The following MRE11 variants were observed in gnomAD, a reference collection of about 807,000 sequenced individuals.
MRE11 encodes MRE11 double strand break repair nuclease.
A neutral mutation model predicts 91.7 loss-of-function variants in MRE11; 62 were observed. The ratio of observed to expected loss-of-function variants is 0.68; its 90% CI spans 0.55 to 0.84. MRE11 has a LOEUF of 0.84. Among genes scored for constraint, MRE11 ranks in the 40% least tolerant of loss-of-function variants. The pLI, the probability that MRE11 is intolerant of heterozygous loss-of-function variation, is 0.00. For missense variants in MRE11, 796 were observed against 852.9 expected, an observed-to-expected ratio of 0.93 and a Z score of 0.83; for synonymous variants, 273 against 271.4, an observed-to-expected ratio of 1.01 and a Z score of -0.06.
At position 94,477,318 on chromosome 11, in the gene MRE11, C is replaced by T. The variant is rs114544418; in HGVS notation, c.545-915G>A. Among the ~76,000 whole-genome samples the T allele has an allele frequency of 6.0e-3, 906 of 152,116 alleles. 5 individuals are homozygous for T. Among genetic ancestry groups the T allele is most frequent in the African/African-American group, 0.02 (819 of 41,486 alleles). ...TTAATATATTGTGCTTTTTAAATAA[C>T]TCAATGACTTTCAAACAATTCTCAT... On this transcript the variant is annotated intron_variant, in intron 6 of 19. Coordinates refer to ENST00000323929, the MANE Select transcript of MRE11 (RefSeq NM_005591.4).
chr11:94,444,400 CG>C lies in MRE11; in HGVS notation c.1867+1409del, dbSNP rs1945870740. On this transcript the variant is annotated intron_variant, in intron 16 of 19. Transcript: ENST00000323929. Reference sequence around the variant, plus strand: ...TTTGTTATTGTTTTTGTTCTGTTTTCGTTCTGTTTTCTTTTGTTTTAGGCTT... The same window carrying C: ...TTTGTTATTGTTTTTGTTCTGTTTTCTTCTGTTTTCTTTTGTTTTAGGCTT... Among the ~76,000 whole-genome samples the C allele has an allele frequency of 9.6e-5, 4 of 41,862 alleles. No individual in the cohort carries two copies. The East Asian group carries it at 2.2e-3, about 23-fold the overall frequency. 27.5% of individuals were successfully genotyped at this position (41,862 alleles called of 152,430 possible).
chr11:94,440,555 T>G (rs1945751284), intron 16 of MRE11, among the ~76,000 whole-genome samples: 1 of 152,172 alleles, frequency 6.6e-6, no homozygotes, highest in African/African-American at 2.4e-5. Flanking sequence ...GAGTTCACTT[T>G]TCAATTGGGA....
At chr11:94,441,701 G>T (rs1276034983) in intron 16 of MRE11, among the ~76,000 whole-genome samples, 13 of 152,136 alleles carry the variant, frequency 8.5e-5, no homozygotes, top group Admixed American at 7.2e-4. Context: ...AATAGGCTGG[G>T]CAAGGTGGCT....
chr11:94,482,561 A>G (rs1182873128), intron 4 of MRE11, among the ~76,000 whole-genome samples: 2 of 152,240 alleles, frequency 1.3e-5, no homozygotes, highest in Non-Finnish European at 2.9e-5. Context: ...ATAGGTAAAC[A>G]TGTATATAGG....
rs373002609 is a variant in MRE11, at chr11:94,419,465, G to GGGGAGAGAGAGAGAGAGAGAGAGAGAGA, written c.*659_*660insTCTCTCTCTCTCTCTCTCTCTCTCTCCC. The GGGGAGAGAGAGAGAGAGAGAGAGAGAGA allele has an allele frequency of 1.0e-5, 2 of 196,750 alleles. No individual in the cohort carries two copies. The highest frequency in any genetic ancestry group is 6.5e-5 in the Admixed American group (1 of 15,368). 12.2% of individuals were successfully genotyped at this position (196,750 alleles called of 1,614,324 possible). ...GAAGAGTGGGGAACGGGGGGGAGAG[G>GGGGAGAGAGAGAGAGAGAGAGAGAGAGA]GAGAGAGAGAGAGAGAGAGAGAGAG... On this transcript the variant is annotated 3_prime_UTR_variant, in exon 20 of 20. Transcript: ENST00000323929.
At chr11:94,511,174 G>T in the MRE11 span, among the ~76,000 whole-genome samples, 1 of 150,070 alleles carries the variant, frequency 6.7e-6, no homozygotes, top group African/African-American at 2.5e-5. Flanking sequence ...ATTGCCTCTC[G>T]CTCTCTCTCT....
chr11:94,437,895 C>T (rs1442134426), intron 16 of MRE11, among the ~76,000 whole-genome samples: 8 of 152,016 alleles, frequency 5.3e-5, no homozygotes, highest in Admixed American at 2.0e-4. Flanking sequence ...GAGGCTGAGG[C>T]GGGCGGATCA....
chr11:94,447,267 C>T lies in MRE11; in HGVS notation c.1735G>A (p.Gly579Arg), dbSNP rs1403124887. 1 of 1,614,034 alleles carries T rather than the reference C, an allele frequency of 6.2e-7. No homozygotes were observed. Among genetic ancestry groups the T allele is most frequent in the Middle Eastern group, 1.7e-4 (1 of 6,060 alleles). ...GRGRGRGRRG[G>R]RGQNSASRGG... is the part of the protein sequence containing the mutation. ...CTCGATGCTGAATTCTGCCCTCTTC[C>T]ACCTCTTCGACCTCTTCCTCGGCCT... Residue 579 changes from glycine (G) to arginine (R), a missense_variant, in exon 15 of 20, where the codon GGA becomes AGA. By Grantham distance (125) the Gly-to-Arg change is moderately radical. Transcript: ENST00000323929.
chr11:94,470,665 C>T, intron 8 of MRE11, 23 bp from the exon 9 acceptor site: 2 of 1,611,744 alleles, frequency 1.2e-6, no homozygotes, highest in Non-Finnish European at 1.7e-6. Context: ...GAAATGAACA[C>T]CGAGTCACAG....
chr11:94,445,537 T>C (rs577082225), intron 16 of MRE11, among the ~76,000 whole-genome samples: 1 of 152,256 alleles, frequency 6.6e-6, no homozygotes, highest in East Asian at 1.9e-4. Flanking sequence ...CTCGATCTCC[T>C]GACCTCGTGA....
intron 15 of MRE11, among the ~76,000 whole-genome samples, chr11:94,446,913 T>G (rs1211984799): frequency 6.6e-6 from 1 of 152,204 alleles, no homozygotes; most frequent in Non-Finnish European, 1.5e-5. Context: ...ACTTTGCACA[T>G]GTGAAAATAC....
chr11:94,509,278 A>ATT, the MRE11 span, among the ~76,000 whole-genome samples: 1 of 151,812 alleles, frequency 6.6e-6, no homozygotes, highest in African/African-American at 2.4e-5. Flanking sequence ...TCCTTAATGT[A>ATT]TTTTTTTGGC....
rs1023078751 is a variant in MRE11 at position 94,418,710 on chromosome 11, C to G, written c.*1415G>C. ...TCAATAAAGATGTGGGCAGATCTGC[C>G]TAAGAATATTTCACAGGACAATGCC... On this transcript the variant is annotated 3_prime_UTR_variant, in exon 20 of 20. Transcript: ENST00000323929. 2.2e-5 allele frequency: 5 copies of G among 232,378 alleles called. No homozygotes were observed. Among genetic ancestry groups the G allele is most frequent in the African/African-American group, 1.1e-4 (5 of 45,288 alleles). 14.4% of individuals were successfully genotyped at this position (232,378 alleles called of 1,614,324 possible). A position where few individuals can be genotyped will look rare whatever the true frequency, so the allele number is the denominator to read the frequency against.
chr11:94,432,409 A>G (rs1480956755), intron 18 of MRE11, among the ~76,000 whole-genome samples: 2 of 152,214 alleles, frequency 1.3e-5, no homozygotes, highest in Non-Finnish European at 2.9e-5. Flanking sequence ...CTAGGAAAAC[A>G]AACACTCTTC....
chr11:94,474,693 T>C (rs914280240), intron 7 of MRE11, among the ~76,000 whole-genome samples: 3 of 152,154 alleles, frequency 2.0e-5, no homozygotes, highest in Admixed American at 6.6e-5. Context: ...ATGGGAACTT[T>C]ACAGCAGAGA....
intron 9 of MRE11, 134 bp downstream of exon 9, chr11:94,470,337 G>A (rs1010470983): frequency 4.6e-6 from 4 of 877,188 alleles, no homozygotes; most frequent in South Asian, 3.4e-5. Flanking sequence ...ATTCACTGAA[G>A]AACAGTGTCC....
rs748414152 is a variant in MRE11 at position 94,447,415 on chromosome 11, G to A, written c.1587C>T (p.Leu529=). 2 of 1,614,146 alleles carry A rather than the reference G, an allele frequency of 1.2e-6. No individual in the cohort carries two copies. The highest frequency in any genetic ancestry group is 1.7e-6 in the Non-Finnish European group (2 of 1,180,018). Residue 529 remains leucine, a synonymous_variant, in exon 15 of 20, where the codon CTC becomes CTT. Coordinates refer to ENST00000323929, the MANE Select transcript of MRE11 (RefSeq NM_005591.4). The part of the protein sequence containing the change: ...VREAMTRARA[L]RSQSEESASA... ...AAGCAGACTCCTCTGACTGAGATCT[G>A]AGTGCTCTGGCCCTGGTCATAGCCT...
At chr11:94,441,320 T>C (rs1945773614) in intron 16 of MRE11, among the ~76,000 whole-genome samples, 1 of 152,236 alleles carries the variant, frequency 6.6e-6, no homozygotes, top group Non-Finnish European at 1.5e-5. Context: ...ACGTATCAAA[T>C]GACTGGTCCA....
intron 19 of MRE11, 37 bp from the exon 20 acceptor site, chr11:94,420,218 C>A: frequency 6.6e-7 from 1 of 1,513,230 alleles, no homozygotes; most frequent in South Asian, 1.1e-5. Flanking sequence ...AGTGATTGTT[C>A]CCTGCTTCAC....
Sources: allele counts gnomAD v4.1 joint callset (sites outside exome capture counted in the v4.1 genomes callset), GRCh38; gene constraint gnomAD v4.1.1; transcripts MANE v1.5; gene names NCBI Gene and HGNC (gene_info 2026-07-23, HGNC 2026-07-21).